HIVEP3: variants seen among roughly 807,000 people sequenced by gnomAD.
HIVEP3 encodes transcription factor HIVEP3.
A neutral mutation model predicts 152.8 loss-of-function variants in HIVEP3; 49 were observed. The ratio of observed to expected loss-of-function variants is 0.32; its 90% confidence interval spans 0.26 to 0.41. HIVEP3 has a LOEUF of 0.41. Ranked by LOEUF, HIVEP3 falls within the 10% of genes least tolerant of loss-of-function variation. The pLI, the probability that HIVEP3 is intolerant of heterozygous loss-of-function variation, is 1.00. For missense variants in HIVEP3, 2,790 were observed against 3,103.3 expected, an observed-to-expected ratio of 0.90 and a Z score of 2.40; for synonymous variants, 1,269 against 1,289.0, an observed-to-expected ratio of 0.98 and a Z score of 0.33.
intron 3 of HIVEP3, among the ~76,000 whole-genome samples, chr1:41,621,252 G>T (rs1303479150): frequency 6.6e-6 from 1 of 152,210 alleles, no homozygotes; most frequent in Non-Finnish European, 1.5e-5. Flanking sequence ...CCCCCAGTAT[G>T]GGACAGAGCC....
intron 1 of HIVEP3, among the ~76,000 whole-genome samples, chr1:41,832,615 C>T (rs1444272727): frequency 2.6e-5 from 4 of 152,166 alleles, no homozygotes; most frequent in African/African-American, 9.7e-5. Context: ...TTTGCTTATC[C>T]ACTCGTCTTT....
chr1:41,988,960 C>T (rs1645340476), intron 1 of HIVEP3, among the ~76,000 whole-genome samples: 1 of 152,044 alleles, frequency 6.6e-6, no homozygotes, highest in Non-Finnish European at 1.5e-5. Context: ...GCTAAATAAG[C>T]CAGGCACAGA....
At chr1:41,689,902 C>T (rs1313182692) in intron 2 of HIVEP3, among the ~76,000 whole-genome samples, 2 of 152,354 alleles carry the variant, frequency 1.3e-5, no homozygotes, top group African/African-American at 4.8e-5. Context: ...GTCGGCTCCG[C>T]CTCCCAGTCC....
intron 1 of HIVEP3, among the ~76,000 whole-genome samples, chr1:41,715,977 C>T (rs1448845844): frequency 1.3e-5 from 2 of 152,114 alleles, no homozygotes; most frequent in South Asian, 4.1e-4. Context: ...CCCGAGCAAC[C>T]GATCATGCCT....
Position 41,971,619 on chromosome 1 carries a change from G to C in HIVEP3, n.120-53095C>G, listed in dbSNP as rs949554787. ...ACCTGGCAGCCCAAAAGGCTAAAAA[G>C]ATCAATAAATTGGTAAACCTGTACA... On this transcript the variant is annotated intron_variant and non_coding_transcript_variant, in intron 1 of 3. Coordinates refer to the HIVEP3 transcript ENST00000489103. 2.2e-4 allele frequency among the ~76,000 whole-genome samples: 34 copies of C among 152,126 alleles called. 1 individual carries two copies. Among genetic ancestry groups the C allele is most frequent in the African/African-American group, 7.7e-4 (32 of 41,412 alleles).
intron 1 of HIVEP3, among the ~76,000 whole-genome samples, chr1:41,797,178 C>G (rs971431440): frequency 4.6e-5 from 7 of 152,210 alleles, no homozygotes; most frequent in Non-Finnish European, 8.8e-5. Flanking sequence ...TTCCCAGGTC[C>G]CACACCTGGC....
At chr1:41,864,117 C>A (rs1188863170) in intron 1 of HIVEP3, among the ~76,000 whole-genome samples, 1 of 152,164 alleles carries the variant, frequency 6.6e-6, no homozygotes, top group Admixed American at 6.5e-5. Flanking sequence ...TACAGACTCT[C>A]TAAATTCTTC....
chr1:41,639,620 G>A (rs1645341552), intron 2 of HIVEP3, among the ~76,000 whole-genome samples: 1 of 152,006 alleles, frequency 6.6e-6, no homozygotes, highest in South Asian at 2.1e-4. Flanking sequence ...CTTCTGTTTT[G>A]GGGTTTGGGG....
intron 1 of HIVEP3, among the ~76,000 whole-genome samples, chr1:42,008,445 C>A (rs1229933504): frequency 1.3e-5 from 2 of 152,206 alleles, no homozygotes; most frequent in Non-Finnish European, 2.9e-5. Flanking sequence ...GTAATGGAAT[C>A]ACTTTCTCTT....
chr1:41,730,541 T>G lies in HIVEP3; in HGVS notation c.-800-29546A>C, dbSNP rs115655055. Among the ~76,000 whole-genome samples, 1,331 of 152,340 alleles carry G rather than the reference T, an allele frequency of 8.7e-3. 9 individuals carry two copies. Among genetic ancestry groups the G allele is most frequent in the Non-Finnish European group, 0.016 (1,055 of 68,032 alleles). ...GGCCTGGCAATGCTGGGGGAGACCC[T>G]GGAGGGGAACATCATGGGCCACCAG... On this transcript the variant is annotated intron_variant, in intron 1 of 8. Coordinates refer to ENST00000372583, the MANE Select transcript of HIVEP3 (RefSeq NM_024503.5).
intron 1 of HIVEP3, among the ~76,000 whole-genome samples, chr1:41,732,656 TTGCTGGGCTCTG>T (rs2124189271): frequency 6.6e-6 from 1 of 152,216 alleles, no homozygotes; most frequent in African/African-American, 2.4e-5. Context: ...CAGGATGCTC[TTGCTGGGCTCTG>T]TGCCTGGGCT....
At chr1:41,596,020 C>A (rs556423085) in intron 3 of HIVEP3, among the ~76,000 whole-genome samples, 1 of 152,124 alleles carries the variant, frequency 6.6e-6, no homozygotes, top group East Asian at 1.9e-4. Context: ...GTTCAATGTA[C>A]GCAAAGCACA....
intron 2 of HIVEP3, among the ~76,000 whole-genome samples, chr1:41,650,149 G>A (rs1645525142): frequency 6.6e-6 from 1 of 152,096 alleles, no homozygotes; most frequent in African/African-American, 2.4e-5. Context: ...GGTGTGGCTG[G>A]GCAGCACCCG....
rs185099921 is a variant in HIVEP3 at position 41,567,657 on chromosome 1, C to T, written c.5207+7887G>A. ...GCTGAGAACGTAGGACCCATTTTCTCGGCTTCTAGAACACAAAGGGCTCTG... is the reference window on the plus strand; with the variant it reads ...GCTGAGAACGTAGGACCCATTTTCTTGGCTTCTAGAACACAAAGGGCTCTG... On this transcript the variant is annotated intron_variant, in intron 5 of 8. Transcript: ENST00000372583. Among the ~76,000 whole-genome samples, 574 of 152,346 alleles carry T rather than the reference C, an allele frequency of 3.8e-3. 2 individuals carry two copies. Among genetic ancestry groups the T allele is most frequent in the Non-Finnish European group, 5.9e-3 (404 of 68,036 alleles).
chr1:41,900,581 C>T (rs1246718330), intron 1 of HIVEP3, among the ~76,000 whole-genome samples: 1 of 152,124 alleles, frequency 6.6e-6, no homozygotes, highest in African/African-American at 2.4e-5. Context: ...TCCCTCTCCC[C>T]ACTCCCTGTG....
intron 1 of HIVEP3, among the ~76,000 whole-genome samples, chr1:41,726,106 T>C (rs1164064764): frequency 6.6e-6 from 1 of 152,218 alleles, no homozygotes; most frequent in Non-Finnish European, 1.5e-5. Flanking sequence ...CTTGAGTATA[T>C]TAACTAAATA....
chr1:41,963,040 C>CTCGCTCTG (rs2124498707), intron 1 of HIVEP3, among the ~76,000 whole-genome samples: 1 of 152,264 alleles, frequency 6.6e-6, no homozygotes, highest in South Asian at 2.1e-4. Flanking sequence ...GAGACGGAGT[C>CTCGCTCTG]TCGCTCTGTC....
At chr1:41,614,374 AG>A (rs1410832174) in intron 3 of HIVEP3, among the ~76,000 whole-genome samples, 1 of 152,210 alleles carries the variant, frequency 6.6e-6, no homozygotes, top group Non-Finnish European at 1.5e-5. Flanking sequence ...GCAAGTCCCA[AG>A]GGCTTAGATG....
At chr1:41,608,800 G>A (rs745717865) in intron 3 of HIVEP3, among the ~76,000 whole-genome samples, 12 of 152,010 alleles carry the variant, frequency 7.9e-5, no homozygotes, top group Non-Finnish European at 1.3e-4. Flanking sequence ...AGCTGGGCAC[G>A]GTGGCTCACA....
Sources: allele counts gnomAD v4.1 joint callset (sites outside exome capture counted in the v4.1 genomes callset), GRCh38; gene constraint gnomAD v4.1.1; transcripts MANE v1.5; gene names NCBI Gene and HGNC (gene_info 2026-07-23, HGNC 2026-07-21).